ZBTB20: variants seen among roughly 807,000 people sequenced by gnomAD.
The protein encoded by ZBTB20 is zinc finger and BTB domain containing 20.
A neutral mutation model predicts 56.9 loss-of-function variants in ZBTB20; 9 were observed. That is an observed-to-expected ratio of 0.16 (90% CI 0.10 to 0.28). The LOEUF (loss-of-function observed/expected upper bound fraction) is 0.28. ZBTB20 is among the 10% of genes least tolerant of loss of function. The pLI, the probability that ZBTB20 is intolerant of heterozygous loss-of-function variation, is 1.00. For synonymous variants in ZBTB20, 417 were observed against 420.7 expected (o/e 0.99, Z 0.11); for missense variants, 655 against 1,003.0 (o/e 0.65, Z 4.69).
intron 4 of ZBTB20, among the ~76,000 whole-genome samples, chr3:114,898,541 T>C (rs1041605546): frequency 5.9e-5 from 9 of 152,086 alleles, no homozygotes; most frequent in African/African-American, 2.2e-4. Context: ...TAACAAGTAA[T>C]AAGATTTTAG....
intron 5 of ZBTB20, among the ~76,000 whole-genome samples, chr3:114,774,651 G>T (rs758424029): frequency 1.3e-5 from 2 of 151,982 alleles, no homozygotes; most frequent in Non-Finnish European, 2.9e-5. Context: ...AACAAATCTC[G>T]CCAACTCTCT....
intron 2 of ZBTB20, among the ~76,000 whole-genome samples, chr3:115,046,653 A>C (rs2081344546): frequency 1.3e-5 from 2 of 152,218 alleles, no homozygotes; most frequent in Non-Finnish European, 2.9e-5. Context: ...ATGAAGAAAT[A>C]GTTTTTCATT....
At chr3:114,904,954 T>C (rs1300169542) in intron 3 of ZBTB20, among the ~76,000 whole-genome samples, 1 of 151,964 alleles carries the variant, frequency 6.6e-6, no homozygotes. Context: ...AAACTAAAGC[T>C]TATTTACAAA....
intron 3 of ZBTB20, 72 bp from the exon 4 acceptor site, chr3:114,900,414 T>G (rs531976346): frequency 1.3e-5 from 2 of 152,140 alleles, no homozygotes; most frequent in South Asian, 4.1e-4. Context: ...GTTGCAACAA[T>G]TCCTGCAGAG....
intron 2 of ZBTB20, among the ~76,000 whole-genome samples, chr3:115,044,218 AG>A (rs138331643): frequency 0.027 from 4,159 of 152,320 alleles, 90 homozygotes; most frequent in Middle Eastern, 0.13. Context: ...TACACTCTCC[AG>A]GAAGTTTCAA....
chr3:114,766,133 T>C (rs1560224445), intron 5 of ZBTB20, among the ~76,000 whole-genome samples: 1 of 151,954 alleles, frequency 6.6e-6, no homozygotes, highest in Non-Finnish European at 1.5e-5. Flanking sequence ...AAGGCATTCA[T>C]CCAGATGAGA....
chr3:114,356,686 C>T (rs1479457709), intron 10 of ZBTB20, among the ~76,000 whole-genome samples: 1 of 152,160 alleles, frequency 6.6e-6, no homozygotes, highest in Non-Finnish European at 1.5e-5. Context: ...CCAGTCATCT[C>T]TGGAGAAAGG....
intron 7 of ZBTB20, among the ~76,000 whole-genome samples, chr3:114,474,650 G>C (rs976625412): frequency 3.9e-5 from 6 of 152,124 alleles, no homozygotes; most frequent in African/African-American, 1.4e-4. Flanking sequence ...AATTAAACGT[G>C]TGCTTTCCCC....
intron 2 of ZBTB20, among the ~76,000 whole-genome samples, chr3:115,028,002 G>A (rs917302842): frequency 6.6e-6 from 1 of 150,496 alleles, no homozygotes; most frequent in East Asian, 1.9e-4. Flanking sequence ...ACTAAATTTA[G>A]CTAATTAACA....
chr3:114,916,263 T>C (rs2075740171), intron 3 of ZBTB20, among the ~76,000 whole-genome samples: 1 of 152,134 alleles, frequency 6.6e-6, no homozygotes, highest in Non-Finnish European at 1.5e-5. Flanking sequence ...TTACAGTTGT[T>C]ATATCCTCTT....
intron 7 of ZBTB20, among the ~76,000 whole-genome samples, chr3:114,393,268 T>G (rs895659390): frequency 6.6e-6 from 1 of 152,212 alleles, no homozygotes; most frequent in Admixed American, 6.5e-5. Flanking sequence ...GCAACTACAT[T>G]AAAATCATAA....
At chr3:114,867,015 G>T (rs535072987) in intron 4 of ZBTB20, among the ~76,000 whole-genome samples, 1 of 152,206 alleles carries the variant, frequency 6.6e-6, no homozygotes, top group East Asian at 1.9e-4. Flanking sequence ...CTGACACCCA[G>T]AAATAGTTAA....
intron 7 of ZBTB20, among the ~76,000 whole-genome samples, chr3:114,418,047 T>C (rs2088761827): frequency 1.3e-5 from 2 of 152,076 alleles, no homozygotes; most frequent in South Asian, 4.1e-4. Flanking sequence ...CCTTCATAAA[T>C]GCATATAATG....
chr3:114,603,243 A>C (rs1470643169), intron 6 of ZBTB20, among the ~76,000 whole-genome samples: 1 of 151,930 alleles, frequency 6.6e-6, no homozygotes, highest in African/African-American at 2.4e-5. Flanking sequence ...CAGATTGTTC[A>C]TTTTCGTTGT....
At position 114,484,798 on chromosome 3, in the gene ZBTB20, AGTGT is replaced by A. The variant is rs146057079; in HGVS notation, c.-255+15550_-255+15553del. Among the ~76,000 whole-genome samples, 1,014 of 150,600 alleles carry A rather than the reference AGTGT, an allele frequency of 6.7e-3. 8 individuals carry two copies. Among genetic ancestry groups the A allele is most frequent in the East Asian group, 0.025 (125 of 5,056 alleles). On this transcript the variant is annotated intron_variant, in intron 7 of 11. Coordinates refer to ENST00000675478, the MANE Select transcript of ZBTB20 (RefSeq NM_001348800.3). ...GCAGGAGAAAAGCTCATATCAATAG[AGTGT>A]GTGTGTGTGTGTGTGTGCGCGTGCA...
At chr3:114,935,892 T>C (rs976405212) in intron 3 of ZBTB20, among the ~76,000 whole-genome samples, 2 of 152,314 alleles carry the variant, frequency 1.3e-5, no homozygotes, top group East Asian at 3.9e-4. Flanking sequence ...TCTTCTACAC[T>C]CTAAATGTGC....
At chr3:114,484,536 T>C (rs747201267) in intron 7 of ZBTB20, among the ~76,000 whole-genome samples, 2 of 152,218 alleles carry the variant, frequency 1.3e-5, no homozygotes, top group Non-Finnish European at 1.5e-5. Context: ...TGGACAATGA[T>C]GCAGCTTTCT....
At chr3:114,363,291 T>C (rs114459378) in intron 10 of ZBTB20, among the ~76,000 whole-genome samples, 309 of 152,310 alleles carry the variant, frequency 2.0e-3, no homozygotes, top group Non-Finnish European at 3.4e-3. Context: ...GGATTTTGAC[T>C]ATCTGCCGAG....
At chr3:115,047,504 A>G (rs1005121011) in intron 2 of ZBTB20, among the ~76,000 whole-genome samples, 7 of 152,196 alleles carry the variant, frequency 4.6e-5, no homozygotes, top group Non-Finnish European at 7.4e-5. Context: ...TTCACTATTT[A>G]TACTTATAAT....
Sources: gnomAD v4.1 joint callset for allele counts (sites outside exome capture counted in the v4.1 genomes callset) on GRCh38, gnomAD v4.1.1 for gene constraint, MANE v1.5 for transcripts, NCBI Gene and HGNC (gene_info 2026-07-23, HGNC 2026-07-21) for gene names.